Variants in GPD2 observed in about 807,000 individuals in gnomAD.
GPD2 encodes the protein glycerol-3-phosphate dehydrogenase, mitochondrial.
GPD2 carries 54 observed loss-of-function variants against 82.4 expected under a neutral mutation model. That is an observed-to-expected ratio of 0.66 (90% CI 0.53 to 0.82). The LOEUF is 0.82. GPD2 is among the 40% of genes least tolerant of loss of function. The pLI, the probability that GPD2 is intolerant of heterozygous loss-of-function variation, is 0.00. For missense variants in GPD2, 748 were observed against 896.2 expected (o/e 0.83, Z 2.11); for synonymous variants, 288 against 306.1 (o/e 0.94, Z 0.62).
chr2:156,413,793 A>C, the GPD2 span, among the ~76,000 whole-genome samples: 1 of 152,026 alleles, frequency 6.6e-6, no homozygotes, highest in Non-Finnish European at 1.5e-5. Flanking sequence ...AATCCCAGCT[A>C]CGTGGGAGGC....
At chr2:156,503,946 C>T (rs1684686775) in intron 3 of GPD2, among the ~76,000 whole-genome samples, 9 of 152,144 alleles carry the variant, frequency 5.9e-5, no homozygotes. Flanking sequence ...ACAGCAGCAA[C>T]TCCCTTATTC....
At chr2:156,502,104 A>ATGTGTG (rs10539711) in intron 3 of GPD2, among the ~76,000 whole-genome samples, 1 of 150,580 alleles carries the variant, frequency 6.6e-6, no homozygotes, top group Admixed American at 6.6e-5. Flanking sequence ...ATATATATGC[A>ATGTGTG]TGTGTGTGTG....
At position 156,585,071 on chromosome 2, in the gene GPD2, C is replaced by T. The variant is rs1688165823; in HGVS notation, c.*2153C>T. The T allele has an allele frequency of 6.6e-6, 1 of 151,950 alleles. No individual in the cohort carries two copies. The highest frequency in any genetic ancestry group is 2.1e-4 in the South Asian group (1 of 4,826). The allele number at this position is 151,950 out of a possible 1,614,324, so 9.4% of individuals were successfully genotyped here. ...GAGCATATCTGCTTTTACTTTAAAT[C>T]TGCTAATTTCTAAAATGTAGAGTCC... On this transcript the variant is annotated 3_prime_UTR_variant, in exon 17 of 17. Transcript: ENST00000438166.
chr2:156,470,212 T>G (rs866542304), intron 1 of GPD2, among the ~76,000 whole-genome samples: 7 of 151,914 alleles, frequency 4.6e-5, no homozygotes, highest in Middle Eastern at 3.2e-3. Context: ...CTTTTTTTTT[T>G]AAGACAGGGT....
At chr2:156,460,987 A>G in intron 1 of GPD2, among the ~76,000 whole-genome samples, 1 of 152,024 alleles carries the variant, frequency 6.6e-6, no homozygotes, top group South Asian at 2.1e-4. Context: ...AACATGGCTA[A>G]TGGTATCCTA....
At chr2:156,510,944 A>C (rs1684974802) in intron 4 of GPD2, 24 bp downstream of exon 4, 1 of 1,610,964 alleles carries the variant, frequency 6.2e-7, no homozygotes, top group Non-Finnish European at 8.5e-7. Context: ...CTGGTTGTTA[A>C]ACAAAAATTG....
rs141393417 is a variant in GPD2 at position 156,486,061 on chromosome 2, A to G, written c.102+9854A>G. ...TAAAGCTTGATGAGGATTCTGAATA[A>G]TCTGTATTTTAGATAAGGCCAGTTG... On this transcript the variant is annotated intron_variant, in intron 2 of 16. Transcript: ENST00000438166. Among the ~76,000 whole-genome samples, 141 of 152,344 alleles carry G rather than the reference A, an allele frequency of 9.3e-4. 4 individuals carry two copies. The East Asian group carries it at 0.023, about 25-fold the overall frequency.
At chr2:156,433,391 T>A (rs554385690), upstream of GPD2, among the ~76,000 whole-genome samples, 4 of 152,274 alleles carry the variant, frequency 2.6e-5, no homozygotes, top group African/African-American at 9.6e-5. Context: ...TGGTACCACC[T>A]AGATCAATAA....
chr2:156,496,222 C>T lies in GPD2; in HGVS notation c.274+7C>T. The T allele has an allele frequency of 7.4e-7, 1 of 1,353,546 alleles. No homozygotes were observed. The allele number at this position is 1,353,546 out of a possible 1,614,324, so 83.8% of individuals were successfully genotyped here. On this transcript the variant is annotated splice_region_variant and intron_variant, in intron 3 of 16. Coordinates refer to ENST00000438166, the MANE Select transcript of GPD2 (RefSeq NM_000408.5). ...CTAGATGCTGTCACCAGAGGTAAGTCTTTTTTTTTTTTATTTTAATTTTAA... is the reference window on the plus strand; with the variant it reads ...CTAGATGCTGTCACCAGAGGTAAGTTTTTTTTTTTTTTATTTTAATTTTAA...
chr2:156,537,177 A>G (rs921876581), intron 6 of GPD2, among the ~76,000 whole-genome samples: 2 of 152,178 alleles, frequency 1.3e-5, no homozygotes, highest in East Asian at 3.9e-4. Flanking sequence ...TTATGGGCAG[A>G]TAACAGTTTC....
rs1157315097 is a variant in GPD2 at position 156,585,492 on chromosome 2, T to G, written c.*2574T>G. The G allele has an allele frequency of 6.6e-6, 1 of 152,422 alleles. No homozygotes were observed. The highest frequency in any genetic ancestry group is 1.5e-5 in the Non-Finnish European group (1 of 67,954). The allele number at this position is 152,422 out of a possible 1,614,324, so 9.4% of individuals were successfully genotyped here. On this transcript the variant is annotated 3_prime_UTR_variant, in exon 17 of 17. Coordinates refer to ENST00000438166, the MANE Select transcript of GPD2 (RefSeq NM_000408.5). ...AACAATAATGATAATGCTGGATTATTTGTTAAGCCAAGGTTGTCTGCCTCA... is the reference window on the plus strand; with the variant it reads ...AACAATAATGATAATGCTGGATTATGTGTTAAGCCAAGGTTGTCTGCCTCA...
intron 3 of GPD2, among the ~76,000 whole-genome samples, chr2:156,506,625 A>G (rs577224610): frequency 6.6e-6 from 1 of 151,762 alleles, no homozygotes; most frequent in Non-Finnish European, 1.5e-5. Context: ...AACACAGCCC[A>G]TAAAATTTTC....
chr2:156,446,367 A>AT (rs896299923), intron 1 of GPD2, among the ~76,000 whole-genome samples: 18 of 152,182 alleles, frequency 1.2e-4, no homozygotes, highest in African/African-American at 4.3e-4. Flanking sequence ...AAGTGCTGGG[A>AT]TTACAGGTGT....
chr2:156,459,872 C>T (rs1025937445), intron 1 of GPD2, among the ~76,000 whole-genome samples: 1 of 151,892 alleles, frequency 6.6e-6, no homozygotes, highest in Non-Finnish European at 1.5e-5. Context: ...ACTTGGCTGC[C>T]ACATAGTATA....
At chr2:156,519,038 AACTTCT>A (rs1329903857) in intron 6 of GPD2, among the ~76,000 whole-genome samples, 1 of 152,216 alleles carries the variant, frequency 6.6e-6, no homozygotes, top group African/African-American at 2.4e-5. Context: ...AACACATTAG[AACTTCT>A]ACTTCGATAT....
intron 9 of GPD2, among the ~76,000 whole-genome samples, chr2:156,568,225 T>G (rs1687460728): frequency 6.6e-6 from 1 of 152,128 alleles, no homozygotes; most frequent in African/African-American, 2.4e-5. Context: ...TGTTTTCTGA[T>G]CTGTATGGTG....
chr2:156,523,670 CTAGATAGATAGA>C (rs3086039), intron 6 of GPD2, among the ~76,000 whole-genome samples: 1,928 of 146,694 alleles, frequency 0.013, 41 homozygotes, highest in African/African-American at 0.041. Context: ...AATTTCTTTT[CTAGATAGATAGA>C]TAGATAGATA....
rs1270165474 is a variant in GPD2 at position 156,569,491 on chromosome 2, C to A, written c.1429C>A (p.Pro477Thr). The A allele has an allele frequency of 6.2e-7, 1 of 1,612,870 alleles. No individual in the cohort carries two copies. Among genetic ancestry groups the A allele is most frequent in the African/African-American group, 1.3e-5 (1 of 74,754 alleles). Residue 477 changes from proline (P) to threonine (T), a missense_variant, in exon 11 of 17, where the codon CCC becomes ACC. Physicochemically the swap from Pro to Thr is conservative, Grantham distance 38. This residue lies in a region of GPD2 where 692 missense variants were observed against 809.7 expected (regional missense o/e 0.85). Transcript: ENST00000438166. ...LFLQGGKDWS[P>T]TLYIRLVQDY... is the part of the protein sequence containing the mutation. Reference sequence around the variant, plus strand: ...CCTTCAAGGGGGTAAAGATTGGAGCCCCACACTCTACATTAGGCTTGTGCA... The same window carrying A: ...CCTTCAAGGGGGTAAAGATTGGAGCACCACACTCTACATTAGGCTTGTGCA...
rs532361454 is a variant in GPD2, at chr2:156,535,697, A to C, written c.662-13911A>C. Among the ~76,000 whole-genome samples, 9 of 152,330 alleles carry C rather than the reference A, an allele frequency of 5.9e-5. No homozygotes were observed. The East Asian group carries it at 1.5e-3, about 26-fold the overall frequency. On this transcript the variant is annotated intron_variant, in intron 6 of 16. Coordinates refer to ENST00000438166, the MANE Select transcript of GPD2 (RefSeq NM_000408.5). ...TAATAAATGAATGTCAAGTGTTCCC[A>C]AATTCTGTTTTAAGAATAATCTAGA...
Sources: allele counts gnomAD v4.1 joint callset (sites outside exome capture counted in the v4.1 genomes callset), GRCh38; gene constraint gnomAD v4.1.1; regional missense constraint gnomAD v4.1.1; transcripts MANE v1.5; gene names NCBI Gene and HGNC (gene_info 2026-07-23, HGNC 2026-07-21).